RERE: variants seen among roughly 807,000 people sequenced by gnomAD.
RERE encodes arginine-glutamic acid dipeptide repeats protein.
RERE carries 40 observed loss-of-function variants against 146.1 expected under a neutral mutation model. The observed-to-expected ratio is 0.27, with a 90% CI of 0.21 to 0.36. RERE has a LOEUF of 0.36. Ranked by LOEUF, RERE falls within the 10% of genes least tolerant of loss-of-function variation. The pLI is 1.00. For missense variants in RERE, 1,933 were observed against 2,138.7 expected, an observed-to-expected ratio of 0.90 and a Z score of 1.90; for synonymous variants, 1,003 against 866.0, an observed-to-expected ratio of 1.16 and a Z score of -2.78.
In RERE at chr1:8,356,853, C is replaced by T. The variant is rs190792617; in HGVS notation, c.4340-607G>A. Among the ~76,000 whole-genome samples, 23 of 152,314 alleles carry T rather than the reference C, an allele frequency of 1.5e-4. No homozygotes were observed. Among genetic ancestry groups the T allele is most frequent in the African/African-American group, 5.3e-4 (22 of 41,562 alleles). ...CTCCCAGCTCCAGCCAACACAGGCG[C>T]TGGCAGGGATTTCAGGGTTGCCACC... On this transcript the variant is annotated intron_variant, in intron 20 of 22. Transcript: ENST00000400908. This position sits in a 1 kb window ranked among gnomAD's most constrained non-coding sequence, Gnocchi z 5.2.
At chr1:8,526,125 G>A in intron 7 of RERE, 1 of 1,020,556 alleles carries the variant, frequency 9.8e-7, no homozygotes, top group Non-Finnish European at 1.2e-6. Context: ...CAGGGAAGTG[G>A]GGCCTTAGAA....
rs60884837 is a variant in RERE at position 8,724,838 on chromosome 1, GAAA to G, written c.-144-68400_-144-68398del. Among the ~76,000 whole-genome samples, 175 of 123,892 alleles carry G rather than the reference GAAA, an allele frequency of 1.4e-3. 2 individuals are homozygous for G. Among genetic ancestry groups the G allele is most frequent in the African/African-American group, 5.3e-3 (165 of 31,222 alleles). 81.3% of individuals were successfully genotyped at this position (123,892 alleles called of 152,430 possible). ...AGCTAGACTCCATCTCAAAACAAAA[GAAA>G]AAAAAAATTTACCTTTTATTTCTAG... On this transcript the variant is annotated intron_variant, in intron 1 of 22. Coordinates refer to ENST00000400908, the MANE Select transcript of RERE (RefSeq NM_001042681.2).
At chr1:8,530,384 T>C (rs531199887) in intron 7 of RERE, among the ~76,000 whole-genome samples, 1 of 152,176 alleles carries the variant, frequency 6.6e-6, no homozygotes, top group Non-Finnish European at 1.5e-5. Context: ...CAAAGGTAAG[T>C]AAAAGCTGTA....
chr1:8,502,337 G>C (rs1406499263), intron 8 of RERE, among the ~76,000 whole-genome samples: 1 of 108,380 alleles, frequency 9.2e-6, no homozygotes, highest in Non-Finnish European at 1.9e-5. Context: ...GGAGGGTGGT[G>C]GGGGGGTCAG....
chr1:8,654,971 A>G (rs1465273846), intron 2 of RERE, among the ~76,000 whole-genome samples: 2 of 152,120 alleles, frequency 1.3e-5, no homozygotes, highest in Admixed American at 6.5e-5. Context: ...TGAAAAGGAA[A>G]GGCTTTGCTA....
intron 2 of RERE, among the ~76,000 whole-genome samples, chr1:8,624,910 A>ATCTC (rs1263625774): frequency 6.6e-6 from 1 of 152,222 alleles, no homozygotes; most frequent in Non-Finnish European, 1.5e-5. Flanking sequence ...AAGAAAACTA[A>ATCTC]TCTCTTACAG....
intron 12 of RERE, among the ~76,000 whole-genome samples, chr1:8,367,605 G>A (rs1641862994): frequency 2.0e-5 from 3 of 152,104 alleles, no homozygotes; most frequent in South Asian, 4.2e-4. Flanking sequence ...GCCATCTCGG[G>A]ACAAGCACAC....
Position 8,423,121 on chromosome 1 carries a change from G to T in RERE, c.1204-314C>A, listed in dbSNP as rs757330696. ...CAGGCACACATTCTGGTGCACGAAG[G>T]TATAAATATGCTCCATGTTTTAATA... On this transcript the variant is annotated intron_variant, in intron 11 of 22. Transcript: ENST00000400908. This position sits in a 1 kb window ranked among gnomAD's most constrained non-coding sequence, Gnocchi z 5.4. 6.5e-5 allele frequency: 20 copies of T among 309,634 alleles called. No individual in the cohort carries two copies. The highest frequency in any genetic ancestry group is 1.1e-4 in the Non-Finnish European group (18 of 160,476). 19.2% of individuals were successfully genotyped at this position (309,634 alleles called of 1,614,324 possible).
intron 10 of RERE, among the ~76,000 whole-genome samples, chr1:8,482,634 A>G (rs1644849766): frequency 7.6e-6 from 1 of 132,114 alleles, no homozygotes; most frequent in Non-Finnish European, 1.6e-5. Context: ...GTGAGCCAAG[A>G]TGGTGGCACT....
At chr1:8,632,018 C>T (rs1333940290) in intron 2 of RERE, among the ~76,000 whole-genome samples, 7 of 152,146 alleles carry the variant, frequency 4.6e-5, no homozygotes, top group Admixed American at 2.0e-4. Flanking sequence ...CTCAATTTAA[C>T]GACTCATCCC....
chr1:8,595,434 TCAGA>T (rs1646543971), intron 4 of RERE, among the ~76,000 whole-genome samples: 1 of 151,936 alleles, frequency 6.6e-6, no homozygotes, highest in African/African-American at 2.4e-5. Context: ...CAAGAAAAAT[TCAGA>T]CAAACTTTAA....
rs540877668 is a variant in RERE at position 8,485,948 on chromosome 1, C to T, written c.1104+9115G>A. Among the ~76,000 whole-genome samples the T allele has an allele frequency of 1.4e-4, 22 of 152,016 alleles. No homozygotes were observed. The East Asian group carries it at 2.5e-3, about 17-fold the overall frequency. The stretch of plus-strand genomic sequence containing the variant: ...CTGAGTAGCTGGGACTACAGGTGTG[C>T]GCCACCACACCCGGCTAATTTTTCT... On this transcript the variant is annotated intron_variant, in intron 10 of 22. Coordinates refer to ENST00000400908, the MANE Select transcript of RERE (RefSeq NM_001042681.2).
Position 8,360,002 on chromosome 1 carries a change from G to A in RERE, c.3396-16C>T, listed in dbSNP as rs1641491241. 3.1e-6 allele frequency: 5 copies of A among 1,610,712 alleles called. No individual in the cohort carries two copies. Among genetic ancestry groups the A allele is most frequent in the Non-Finnish European group, 4.2e-6 (5 of 1,178,726 alleles). On this transcript the variant is annotated splice_polypyrimidine_tract_variant and intron_variant, in intron 18 of 22. Coordinates refer to ENST00000400908, the MANE Select transcript of RERE (RefSeq NM_001042681.2). ...TTTGTAGAACCTGAGAAAAGCCACA[G>A]ATCTTGCTGGGAGCTCCTGCCGAGA...
At chr1:8,708,841 A>T (rs983699985) in intron 1 of RERE, among the ~76,000 whole-genome samples, 3 of 151,918 alleles carry the variant, frequency 2.0e-5, no homozygotes, top group Admixed American at 1.3e-4. Flanking sequence ...AATTTTAAGC[A>T]AACTATCTAC....
chr1:8,775,454 C>T (rs927436507), intron 1 of RERE, among the ~76,000 whole-genome samples: 10 of 152,088 alleles, frequency 6.6e-5, no homozygotes, highest in African/African-American at 9.7e-5. Context: ...TGTGGTGGCA[C>T]GCACCTGTAG....
At chr1:8,716,315 A>T (rs1639764784) in intron 1 of RERE, among the ~76,000 whole-genome samples, 1 of 151,432 alleles carries the variant, frequency 6.6e-6, no homozygotes, top group South Asian at 2.1e-4. Flanking sequence ...AAAAAAAAAA[A>T]AAATTAAAAA....
intron 8 of RERE, among the ~76,000 whole-genome samples, chr1:8,503,775 T>C (rs1017458541): frequency 3.9e-5 from 6 of 152,184 alleles, no homozygotes; most frequent in African/African-American, 1.4e-4. Context: ...TTCAAGTAAC[T>C]CTAAGATATA....
At chr1:8,550,902 G>A (rs1273907945) in intron 6 of RERE, among the ~76,000 whole-genome samples, 4 of 152,160 alleles carry the variant, frequency 2.6e-5, no homozygotes, top group Non-Finnish European at 5.9e-5. Flanking sequence ...CCACAGATGT[G>A]ACTAATCTGT....
At chr1:8,558,678 C>T in intron 4 of RERE, among the ~76,000 whole-genome samples, 1 of 151,894 alleles carries the variant, frequency 6.6e-6, no homozygotes, top group Non-Finnish European at 1.5e-5. Flanking sequence ...CAGGAAGGTT[C>T]CAAAAAACCT....
Sources: allele counts gnomAD v4.1 joint callset (sites outside exome capture counted in the v4.1 genomes callset), GRCh38; gene constraint gnomAD v4.1.1; non-coding constraint Gnocchi (gnomAD v3.1); transcripts MANE v1.5; gene names NCBI Gene and HGNC (gene_info 2026-07-23, HGNC 2026-07-21).